Variants in C14orf180 observed in about 807,000 individuals in gnomAD.
The protein encoded by C14orf180 is nutritionally-regulated adipose and cardiac enriched protein homolog.
In C14orf180, 13 loss-of-function variants were observed where a neutral mutation model predicts 13.9. The ratio of observed to expected loss-of-function variants is 0.94; its 90% CI spans 0.61 to 1.49. C14orf180 has a LOEUF of 1.49. Among genes scored for constraint, C14orf180 ranks in the 40% most tolerant of loss-of-function variants. The pLI is 0.00. For synonymous variants in C14orf180, 113 were observed against 106.3 expected (o/e 1.06, Z -0.39); for missense variants, 238 against 232.0 (o/e 1.03, Z -0.17).
intron 1 of C14orf180, among the ~76,000 whole-genome samples, chr14:104,582,874 T>A (rs1295938119): frequency 6.6e-6 from 1 of 152,014 alleles, no homozygotes; most frequent in African/African-American, 2.4e-5. Context: ...TTACACACTG[T>A]CCCTGCCAGA....
At chr14:104,584,932 G>T (rs776002423) in intron 1 of C14orf180, among the ~76,000 whole-genome samples, 2 of 152,182 alleles carry the variant, frequency 1.3e-5, no homozygotes, top group Non-Finnish European at 1.5e-5. Context: ...GACGGCACAC[G>T]GCTGCTGGAG....
intron 1 of C14orf180, among the ~76,000 whole-genome samples, chr14:104,580,360 G>A (rs1378087413): frequency 6.6e-6 from 1 of 152,234 alleles, no homozygotes; most frequent in Non-Finnish European, 1.5e-5. Flanking sequence ...GGCCGCCTCT[G>A]GGGGAAGCAG....
In C14orf180 at chr14:104,588,703, C is replaced by T. The variant is rs1158255628; in HGVS notation, c.403C>T (p.Leu135=). 6 of 1,535,578 alleles carry T rather than the reference C, an allele frequency of 3.9e-6. No individual in the cohort carries two copies. In the African/African-American group the frequency reaches 6.8e-5, roughly 18 times the overall value. ...AKPVATALED[L]RARLLGLVLH... is the part of the protein sequence containing the mutation. ...GCCCGTGGCAACGGCACTGGAGGAC[C>T]TGCGGGCCCGGCTCCTCGGCCTTGT... Residue 135 remains leucine (L), a synonymous_variant, in exon 5 of 5, where the codon CTG becomes TTG. Coordinates refer to ENST00000557649, the MANE Select transcript of C14orf180 (RefSeq NM_001008404.3).
chr14:104,586,123 T>C (rs988161286), intron 1 of C14orf180, among the ~76,000 whole-genome samples: 10 of 152,206 alleles, frequency 6.6e-5, no homozygotes, highest in Non-Finnish European at 8.8e-5. Flanking sequence ...TGACTTTCAG[T>C]GACGGGACCT....
Position 104,589,649 on chromosome 14 carries a change from G to A in C14orf180, c.*866G>A, listed in dbSNP as rs1252581328. 2.0e-5 allele frequency: 3 copies of A among 152,652 alleles called. No individual in the cohort carries two copies. Among genetic ancestry groups the A allele is most frequent in the Non-Finnish European group, 2.9e-5 (2 of 68,080 alleles). The allele number at this position is 152,652 out of a possible 1,614,324, so 9.5% of individuals were successfully genotyped here. Reference sequence around the variant, plus strand: ...CCTCTCCAGACCCTACGTGGGGGGAGGGCTGAACAAAGCAGGGAGGCCCAC... The same window carrying A: ...CCTCTCCAGACCCTACGTGGGGGGAAGGCTGAACAAAGCAGGGAGGCCCAC... On this transcript the variant is annotated 3_prime_UTR_variant, in exon 5 of 5. Coordinates refer to ENST00000557649, the MANE Select transcript of C14orf180 (RefSeq NM_001008404.3). This position sits in a 1 kb window ranked among gnomAD's most constrained non-coding sequence, Gnocchi z 4.9.
chr14:104,587,694 G>A, intron 2 of C14orf180, 55 bp from the exon 3 acceptor site: 2 of 1,597,986 alleles, frequency 1.3e-6, no homozygotes, highest in Non-Finnish European at 1.7e-6. Flanking sequence ...TCAGACCTGG[G>A]TACCAGCGGC....
intron 1 of C14orf180, among the ~76,000 whole-genome samples, chr14:104,584,391 C>T (rs2140460585): frequency 6.6e-6 from 1 of 152,286 alleles, no homozygotes; most frequent in Middle Eastern, 3.4e-3. Context: ...GGGCTCTGCT[C>T]CACCCCCAAC....
chr14:104,581,333 C>CA (rs888823613), intron 1 of C14orf180: 3 of 152,276 alleles, frequency 2.0e-5, no homozygotes, highest in Admixed American at 2.0e-4. Context: ...GGCCTGTGGC[C>CA]AAACTACTAA....
chr14:104,580,972 G>A (rs1190878546), intron 1 of C14orf180, among the ~76,000 whole-genome samples: 1 of 152,242 alleles, frequency 6.6e-6, no homozygotes, highest in African/African-American at 2.4e-5. Flanking sequence ...TAGGCATGGA[G>A]AGGGGCCTCA....
intron 1 of C14orf180, among the ~76,000 whole-genome samples, chr14:104,584,428 T>C (rs1368511166): frequency 6.6e-6 from 1 of 152,154 alleles, no homozygotes. Flanking sequence ...GCAGAGTTTC[T>C]ATCCCACCCA....
At chr14:104,587,702 G>A (rs775785207) in intron 2 of C14orf180, 47 bp from the exon 3 acceptor site, 19 of 1,603,298 alleles carry the variant, frequency 1.2e-5, no homozygotes, top group Admixed American at 6.8e-5. Context: ...GGGTACCAGC[G>A]GCCTCCCGCC....
chr14:104,584,240 G>C (rs973945262), intron 1 of C14orf180, among the ~76,000 whole-genome samples: 1 of 152,180 alleles, frequency 6.6e-6, no homozygotes, highest in African/African-American at 2.4e-5. Context: ...GCTGCTGCAG[G>C]GTCGCCTGGC....
chr14:104,582,829 C>T (rs998274517), intron 1 of C14orf180, among the ~76,000 whole-genome samples: 6 of 152,156 alleles, frequency 3.9e-5, no homozygotes, highest in East Asian at 1.9e-4. Flanking sequence ...AGCTATTTTC[C>T]GCCCTTTATC....
intron 1 of C14orf180, 94 bp from the exon 2 acceptor site, chr14:104,586,321 G>A: frequency 1.1e-6 from 1 of 873,764 alleles, no homozygotes. Flanking sequence ...AAGCCAGCCT[G>A]GCTTCCAGGA....
chr14:104,583,302 G>A (rs558874598), intron 1 of C14orf180, among the ~76,000 whole-genome samples: 28 of 152,320 alleles, frequency 1.8e-4, no homozygotes, highest in African/African-American at 6.3e-4. Flanking sequence ...GGCTCCCGGA[G>A]GGGAGGTGTC....
chr14:104,585,585 C>G (rs1245187917), intron 1 of C14orf180, among the ~76,000 whole-genome samples: 1 of 151,846 alleles, frequency 6.6e-6, no homozygotes, highest in Non-Finnish European at 1.5e-5. Flanking sequence ...AAGCAACCAG[C>G]GCAACAGAGG....
rs1218189823 is a variant in C14orf180, at chr14:104,588,971, G to A, written c.*188G>A. 7.2e-5 allele frequency: 92 copies of A among 1,274,152 alleles called. No homozygotes were observed. The highest frequency in any genetic ancestry group is 1.7e-4 in the Admixed American group (6 of 34,992). 78.9% of individuals were successfully genotyped at this position (1,274,152 alleles called of 1,614,324 possible). On this transcript the variant is annotated 3_prime_UTR_variant, in exon 5 of 5. Transcript: ENST00000557649. ...ATCGGACATGGGGGGCACAGCAGGC[G>A]GCCCCGCCACACTAGTCAGCACAGC... is the stretch of plus-strand genomic sequence containing the variant.
Position 104,588,919 on chromosome 14 carries a change from A to G in C14orf180, c.*136A>G, listed in dbSNP as rs1886746468. ...AGGGGCTGCTGCCTGAGGGCTAACT[A>G]GGAAAAGGGGGACCCCGTGGCGTGA... On this transcript the variant is annotated 3_prime_UTR_variant, in exon 5 of 5. Coordinates refer to ENST00000557649, the MANE Select transcript of C14orf180 (RefSeq NM_001008404.3). 4 of 1,446,220 alleles carry G rather than the reference A, an allele frequency of 2.8e-6. No homozygotes were observed. The highest frequency in any genetic ancestry group is 3.6e-6 in the Non-Finnish European group (4 of 1,101,168). The allele number at this position is 1,446,220 out of a possible 1,614,324, so 89.6% of individuals were successfully genotyped here. A position where few individuals can be genotyped will look rare whatever the true frequency, so the allele number is the denominator to read the frequency against.
intron 1 of C14orf180, 69 bp from the exon 2 acceptor site, chr14:104,586,346 C>T: frequency 9.2e-7 from 1 of 1,081,142 alleles, no homozygotes; most frequent in Non-Finnish European, 1.3e-6. Flanking sequence ...ATTTTCTCCT[C>T]CTCTTATTTT....
Sources: allele counts gnomAD v4.1 joint callset (sites outside exome capture counted in the v4.1 genomes callset), GRCh38; gene constraint gnomAD v4.1.1; non-coding constraint Gnocchi (gnomAD v3.1); transcripts MANE v1.5; gene names NCBI Gene and HGNC (gene_info 2026-07-23, HGNC 2026-07-21).